The following ARHGAP44 variants were observed in gnomAD, a reference collection of about 807,000 sequenced individuals.
ARHGAP44 encodes Rho GTPase activating protein 44, also known as rho GTPase-activating protein 44.
ARHGAP44 carries 43 observed loss-of-function variants against 106.8 expected under a neutral mutation model. The observed-to-expected ratio is 0.40, with a 90% confidence interval of 0.32 to 0.52. The LOEUF (loss-of-function observed/expected upper bound fraction) is 0.52. Among genes scored for constraint, ARHGAP44 ranks in the 20% least tolerant of loss-of-function variants. The pLI is 0.48. For synonymous variants in ARHGAP44, 439 were observed against 410.3 expected (o/e 1.07, Z -0.85); for missense variants, 866 against 1,050.5 (o/e 0.82, Z 2.43).
intron 19 of ARHGAP44, among the ~76,000 whole-genome samples, chr17:12,983,690 G>A (rs1261888675): frequency 6.6e-6 from 1 of 152,034 alleles, no homozygotes; most frequent in Non-Finnish European, 1.5e-5. Context: ...TGTAATCCCA[G>A]CTACTCAGGA....
chr17:12,924,613 C>T (rs928120212), intron 6 of ARHGAP44, among the ~76,000 whole-genome samples: 13 of 152,212 alleles, frequency 8.5e-5, no homozygotes, highest in Non-Finnish European at 5.9e-5. Context: ...ACCCCCAATG[C>T]GACTGTATCT....
chr17:12,903,140 AGT>A (rs546197652), intron 3 of ARHGAP44, among the ~76,000 whole-genome samples: 4,002 of 57,364 alleles, frequency 0.07, 45 homozygotes, highest in Non-Finnish European at 0.08. Flanking sequence ...AGAGAGAGAG[AGT>A]GTGTGTGTGT....
intron 1 of ARHGAP44, among the ~76,000 whole-genome samples, chr17:12,856,037 C>G (rs1446608221): frequency 1.3e-5 from 2 of 152,170 alleles, no homozygotes. Context: ...CTTAGTGATG[C>G]TACACCCTAA....
intron 16 of ARHGAP44, among the ~76,000 whole-genome samples, chr17:12,962,240 T>A (rs942505765): frequency 4.6e-5 from 7 of 152,178 alleles, no homozygotes; most frequent in Admixed American, 1.3e-4. Context: ...GTCCTAGATG[T>A]CATACAAAGC....
rs71144930 is a variant in ARHGAP44 at position 12,861,644 on chromosome 17, CTTT to C, written c.54-33284_54-33282del. On this transcript the variant is annotated intron_variant, in intron 1 of 20. Transcript: ENST00000379672. The stretch of plus-strand genomic sequence containing the variant: ...AATTCCTCTTCTGCCTCCTCTTCCA[CTTT>C]TTTTTTTTTTTGAGATGGAATCTTG... Among the ~76,000 whole-genome samples, 4 of 67,754 alleles carry C rather than the reference CTTT, an allele frequency of 5.9e-5. 2 individuals carry two copies. The Admixed American group carries it at 9.1e-4, about 15-fold the overall frequency. 44.4% of individuals were successfully genotyped at this position (67,754 alleles called of 152,430 possible).
intron 1 of ARHGAP44, among the ~76,000 whole-genome samples, chr17:12,851,554 G>A (rs923493865): frequency 2.6e-5 from 4 of 151,744 alleles, no homozygotes; most frequent in African/African-American, 4.8e-5. Context: ...CACAACCTCC[G>A]TCCGGTTGTA....
At chr17:12,989,679 G>A (rs1340984372) in intron 20 of ARHGAP44, among the ~76,000 whole-genome samples, 1 of 152,144 alleles carries the variant, frequency 6.6e-6, no homozygotes, top group Non-Finnish European at 1.5e-5. Context: ...GGAATGAAAT[G>A]CAGTCGTCTG....
rs147188767 is a variant in ARHGAP44 at position 12,829,714 on chromosome 17, C to T, written c.53+39823C>T. ...CTTTTCTTCTTTTGCATCATACCTGCATGCATGATTCCTAGTTTTATTGAG... is the reference window on the plus strand; with the variant it reads ...CTTTTCTTCTTTTGCATCATACCTGTATGCATGATTCCTAGTTTTATTGAG... On this transcript the variant is annotated intron_variant, in intron 1 of 20. Coordinates refer to ENST00000379672, the MANE Select transcript of ARHGAP44 (RefSeq NM_014859.6). 4.1e-3 allele frequency among the ~76,000 whole-genome samples: 631 copies of T among 152,302 alleles called. 3 individuals carry two copies. The highest frequency in any genetic ancestry group is 7.5e-3 in the South Asian group (36 of 4,828).
At chr17:12,903,134 AGAGAGAGTGT>A (rs2037439649) in intron 3 of ARHGAP44, among the ~76,000 whole-genome samples, 12 of 127,302 alleles carry the variant, frequency 9.4e-5, no homozygotes, top group African/African-American at 1.5e-4. Flanking sequence ...GAGGAGAGAG[AGAGAGAGTGT>A]GTGTGTGTGT....
intron 1 of ARHGAP44, among the ~76,000 whole-genome samples, chr17:12,814,238 T>G (rs1026790461): frequency 2.1e-5 from 3 of 141,746 alleles, no homozygotes; most frequent in African/African-American, 2.7e-5. Context: ...AACTGGTGTT[T>G]TTTTTTTTTT....
At chr17:12,858,855 G>T (rs2035983970) in intron 1 of ARHGAP44, among the ~76,000 whole-genome samples, 1 of 152,186 alleles carries the variant, frequency 6.6e-6, no homozygotes, top group Admixed American at 6.5e-5. Flanking sequence ...TCACAGTCAT[G>T]GTGGAAGGTG....
rs200182544 is a variant in ARHGAP44 at position 12,846,098 on chromosome 17, G to GAAAAA, written c.54-48834_54-48830dup. 8.2e-4 allele frequency among the ~76,000 whole-genome samples: 119 copies of GAAAAA among 145,008 alleles called. 1 individual carries two copies. Among genetic ancestry groups the GAAAAA allele is most frequent in the African/African-American group, 2.9e-3 (115 of 40,120 alleles). Reference sequence around the variant, plus strand: ...ATATAGTGAGGAGGGTGGTTTCCAGGAAAAAAAAAAAATACAGCTGGCAAA... The same window carrying GAAAAA: ...ATATAGTGAGGAGGGTGGTTTCCAGGAAAAAAAAAAAAAAAAATACAGCTGGCAAA... On this transcript the variant is annotated intron_variant, in intron 1 of 20. Transcript: ENST00000379672.
At chr17:12,969,591 G>A (rs188789006) in intron 16 of ARHGAP44, among the ~76,000 whole-genome samples, 38 of 152,330 alleles carry the variant, frequency 2.5e-4, no homozygotes, top group Admixed American at 6.5e-4. Context: ...TGGAGAGGCT[G>A]TGGAGTCACC....
intron 1 of ARHGAP44, among the ~76,000 whole-genome samples, chr17:12,823,555 C>T (rs1446203849): frequency 6.6e-6 from 1 of 152,060 alleles, no homozygotes; most frequent in Non-Finnish European, 1.5e-5. Context: ...AATAGAGAAG[C>T]TATTCTTTCT....
At chr17:12,792,367 C>A (rs1177800927) in intron 1 of ARHGAP44, among the ~76,000 whole-genome samples, 1 of 152,168 alleles carries the variant, frequency 6.6e-6, no homozygotes, top group East Asian at 1.9e-4. Flanking sequence ...CCAGCAGAAT[C>A]TATTGATTGC....
At chr17:12,925,814 T>A (rs572417315) in intron 6 of ARHGAP44, among the ~76,000 whole-genome samples, 1 of 152,196 alleles carries the variant, frequency 6.6e-6, no homozygotes, top group Non-Finnish European at 1.5e-5. Flanking sequence ...GCCCAACTCT[T>A]GAGTTTATGT....
chr17:12,935,019 T>G (rs1301222393), intron 7 of ARHGAP44, among the ~76,000 whole-genome samples: 1 of 152,200 alleles, frequency 6.6e-6, no homozygotes, highest in African/African-American at 2.4e-5. Context: ...GCAGGCATCC[T>G]CTGTGGCAGC....
chr17:12,928,142 G>A (rs1352748003), intron 6 of ARHGAP44, among the ~76,000 whole-genome samples: 1 of 152,112 alleles, frequency 6.6e-6, no homozygotes, highest in Non-Finnish European at 1.5e-5. Flanking sequence ...TTCGTTAGAA[G>A]GCCAAATTTT....
At chr17:12,983,390 A>G (rs1297127768) in intron 19 of ARHGAP44, among the ~76,000 whole-genome samples, 1 of 151,738 alleles carries the variant, frequency 6.6e-6, no homozygotes, top group Non-Finnish European at 1.5e-5. Context: ...GTTTGAATTT[A>G]TTGTCTTTAC....
Sources: gnomAD v4.1 joint callset for allele counts (sites outside exome capture counted in the v4.1 genomes callset) on GRCh38, gnomAD v4.1.1 for gene constraint, MANE v1.5 for transcripts, NCBI Gene and HGNC (gene_info 2026-07-23, HGNC 2026-07-21) for gene names.